DGKB: variants seen among roughly 807,000 people sequenced by gnomAD.
DGKB encodes diacylglycerol kinase beta.
DGKB carries 67 observed loss-of-function variants against 114.3 expected under a neutral mutation model. The observed-to-expected ratio is 0.59, with a 90% confidence interval of 0.48 to 0.72. The LOEUF is 0.72. Among genes scored for constraint, DGKB ranks in the 30% least tolerant of loss-of-function variants. The pLI, the probability that DGKB is intolerant of heterozygous loss-of-function variation, is 0.00. For synonymous variants in DGKB, 398 were observed against 323.1 expected (o/e 1.23, Z -2.49); for missense variants, 907 against 975.2 (o/e 0.93, Z 0.93).
At chr7:14,431,121 C>T (rs1391887135) in intron 21 of DGKB, among the ~76,000 whole-genome samples, 2 of 152,042 alleles carry the variant, frequency 1.3e-5, no homozygotes, top group Admixed American at 6.6e-5. Flanking sequence ...CTTGTGTTGC[C>T]TCCGGGTTTT....
At chr7:14,938,046 G>A (rs1400805477) in intron 1 of DGKB, among the ~76,000 whole-genome samples, 1 of 152,140 alleles carries the variant, frequency 6.6e-6, no homozygotes, top group African/African-American at 2.4e-5. Context: ...TTGTGCTGCG[G>A]ATGGGTCCCC....
At chr7:14,892,860 A>G (rs1587252278) in intron 1 of DGKB, among the ~76,000 whole-genome samples, 1 of 64,360 alleles carries the variant, frequency 1.6e-5, no homozygotes, top group Non-Finnish European at 3.0e-5. Context: ...TACCATATAT[A>G]TATATGTGTG....
chr7:14,560,783 T>C (rs1157684039), intron 20 of DGKB, among the ~76,000 whole-genome samples: 1 of 152,170 alleles, frequency 6.6e-6, no homozygotes, highest in Non-Finnish European at 1.5e-5. Context: ...AACCTCCACA[T>C]TGTATTGCAT....
intron 7 of DGKB, among the ~76,000 whole-genome samples, chr7:14,700,060 C>CTA (rs1824846918): frequency 6.6e-6 from 1 of 151,966 alleles, no homozygotes; most frequent in Non-Finnish European, 1.5e-5. Flanking sequence ...GTCACAAGTG[C>CTA]TATACTAAGC....
intron 14 of DGKB, among the ~76,000 whole-genome samples, chr7:14,626,728 C>G (rs1390535975): frequency 6.6e-6 from 1 of 152,006 alleles, no homozygotes; most frequent in Admixed American, 6.6e-5. Context: ...GAAATTGCAG[C>G]AAAACTATTT....
intron 21 of DGKB, among the ~76,000 whole-genome samples, chr7:14,470,148 A>C (rs891814785): frequency 2.0e-5 from 3 of 151,926 alleles, no homozygotes; most frequent in Non-Finnish European, 4.4e-5. Flanking sequence ...ACAGAAACTA[A>C]AGACATAAAA....
intron 23 of DGKB, among the ~76,000 whole-genome samples, chr7:14,267,104 C>T (rs767787722): frequency 6.6e-6 from 1 of 152,162 alleles, no homozygotes; most frequent in Non-Finnish European, 1.5e-5. Flanking sequence ...AAAAATGCCA[C>T]AAGTTTTTTG....
intron 23 of DGKB, among the ~76,000 whole-genome samples, chr7:14,273,962 G>T (rs1219702747): frequency 6.6e-6 from 1 of 152,136 alleles, no homozygotes; most frequent in Non-Finnish European, 1.5e-5. Context: ...ACTCTTTTGA[G>T]GATTTTAAAT....
At chr7:14,262,479 C>T (rs73682706) in intron 23 of DGKB, among the ~76,000 whole-genome samples, 108 of 152,296 alleles carry the variant, frequency 7.1e-4, no homozygotes, top group African/African-American at 2.6e-3. Flanking sequence ...CCTCTTCAGA[C>T]ATTGAATCTG....
chr7:14,446,602 A>C (rs1830756578), intron 21 of DGKB, among the ~76,000 whole-genome samples: 1 of 152,150 alleles, frequency 6.6e-6, no homozygotes, highest in Non-Finnish European at 1.5e-5. Context: ...AAATACAATA[A>C]AACTCAACTT....
intron 2 of DGKB, among the ~76,000 whole-genome samples, chr7:14,804,095 G>C (rs1586624787): frequency 6.6e-6 from 1 of 151,740 alleles, no homozygotes; most frequent in Non-Finnish European, 1.5e-5. Flanking sequence ...GTGTGTGTGT[G>C]TGTTTAGTAA....
intron 17 of DGKB, among the ~76,000 whole-genome samples, chr7:14,595,477 T>C (rs190665319): frequency 6.6e-6 from 1 of 152,012 alleles, no homozygotes; most frequent in African/African-American, 2.4e-5. Context: ...CTTTGATAAA[T>C]AAGGAGCAGG....
intron 1 of DGKB, among the ~76,000 whole-genome samples, chr7:14,842,611 C>T (rs1848089881): frequency 6.6e-6 from 1 of 152,194 alleles, no homozygotes; most frequent in Admixed American, 6.5e-5. Flanking sequence ...TTTCCTTCTG[C>T]TGATTTCATC....
At chr7:14,831,903 C>T (rs573635191) in intron 2 of DGKB, among the ~76,000 whole-genome samples, 4 of 151,714 alleles carry the variant, frequency 2.6e-5, no homozygotes, top group South Asian at 4.2e-4. Context: ...AGCAGAAGGA[C>T]ATTTCTCACA....
At chr7:14,775,564 G>C (rs1218027348) in intron 2 of DGKB, among the ~76,000 whole-genome samples, 1 of 151,946 alleles carries the variant, frequency 6.6e-6, no homozygotes, top group Non-Finnish European at 1.5e-5. Context: ...GAATCATCGA[G>C]ATGGTTACTT....
intron 23 of DGKB, among the ~76,000 whole-genome samples, chr7:14,268,107 A>G (rs1460554067): frequency 6.6e-6 from 1 of 152,128 alleles, no homozygotes; most frequent in African/African-American, 2.4e-5. Context: ...CTGCTAGCTT[A>G]CTATCTAGCT....
At chr7:14,799,525 A>T (rs543482180) in intron 2 of DGKB, among the ~76,000 whole-genome samples, 1 of 152,234 alleles carries the variant, frequency 6.6e-6, no homozygotes, top group Non-Finnish European at 1.5e-5. Context: ...TTCTGTCTCA[A>T]TGGGATTTTT....
intron 20 of DGKB, among the ~76,000 whole-genome samples, chr7:14,483,569 T>C (rs941601967): frequency 3.3e-5 from 5 of 152,160 alleles, no homozygotes; most frequent in Non-Finnish European, 7.4e-5. Flanking sequence ...CAGTTAGCAG[T>C]GGGATGACTG....
intron 6 of DGKB, among the ~76,000 whole-genome samples, chr7:14,714,770 T>TCCTG (rs1827926795): frequency 6.6e-6 from 1 of 152,164 alleles, no homozygotes; most frequent in African/African-American, 2.4e-5. Flanking sequence ...CAGTATAGTA[T>TCCTG]AGGAGCAAAT....
Sources: gnomAD v4.1 joint callset for allele counts (sites outside exome capture counted in the v4.1 genomes callset) on GRCh38, gnomAD v4.1.1 for gene constraint, MANE v1.5 for transcripts, NCBI Gene and HGNC (gene_info 2026-07-23, HGNC 2026-07-21) for gene names.